OPHN1: variants seen among roughly 807,000 people sequenced by gnomAD.
OPHN1 encodes oligophrenin-1.
Under a neutral mutation model 60.7 loss-of-function variants are expected in OPHN1, and 11 were observed. The ratio of observed to expected loss-of-function variants is 0.18; its 90% confidence interval spans 0.11 to 0.30. The LOEUF is 0.30. Among genes scored for constraint, OPHN1 ranks in the 10% least tolerant of loss-of-function variants. OPHN1 has a pLI of 1.00. For missense variants in OPHN1, 449 were observed against 611.0 expected, an observed-to-expected ratio of 0.73 and a Z score of 2.80; for synonymous variants, 226 against 222.6, an observed-to-expected ratio of 1.02 and a Z score of -0.14.
intron 2 of OPHN1, among the ~76,000 whole-genome samples, chrX:68,354,020 A>G (rs772421042): frequency 8.9e-6 from 1 of 112,259 alleles, no homozygotes; most frequent in Non-Finnish European, 1.9e-5. Flanking sequence ...TAAGGTTCCT[A>G]TTCACAGATA....
Position 68,064,098 on chromosome X carries a change from T to G in OPHN1, c.1914A>C (p.Leu638=). Residue 638 remains leucine (L), a synonymous_variant, in exon 21 of 25, where the codon CTA becomes CTC. Transcript: ENST00000355520. ...CAGTTTCCCCACTCCTCTGAATAGG[T>G]AGTTTGGGGTGTTGTGGTGGCTTGG... The part of the protein sequence containing the change: ...EPPKPPQHPK[L]PIQRSGETDP... 1.7e-6 allele frequency: 2 copies of G among 1,209,180 alleles called. No individual in the cohort carries two copies. The highest frequency in any genetic ancestry group is 2.2e-6 in the Non-Finnish European group (2 of 894,260).
At chrX:68,107,024 T>G (rs1339946175) in intron 18 of OPHN1, among the ~76,000 whole-genome samples, 4 of 111,941 alleles carry the variant, frequency 3.6e-5, no homozygotes, top group African/African-American at 1.3e-4. Context: ...CTGTCTATAT[T>G]TTTTCTTAAT....
intron 2 of OPHN1, among the ~76,000 whole-genome samples, chrX:68,317,537 AAAAAAGAAAGAAAGAAAGAAAG>A (rs2078212028): frequency 1.5e-4 from 8 of 52,623 alleles, no homozygotes; most frequent in Non-Finnish European, 2.9e-5. Flanking sequence ...GAAAGAAAGA[AAAAAAGAAAGAAAGAAAGAAAG>A]AAAGAAAGAA....
intron 2 of OPHN1, among the ~76,000 whole-genome samples, chrX:68,396,816 A>G (rs2078687209): frequency 1.8e-5 from 2 of 111,347 alleles, no homozygotes; most frequent in African/African-American, 6.5e-5. Context: ...CTCCATCTCA[A>G]AAAAATAAAA....
chrX:68,083,054 CTTTTTTTTTTTTT>C lies in OPHN1; in HGVS notation c.1687-9768_1687-9756del, dbSNP rs869083899. Among the ~76,000 whole-genome samples the C allele has an allele frequency of 3.2e-4, 12 of 37,454 alleles. 1 individual carries two copies. Among genetic ancestry groups the C allele is most frequent in the South Asian group, 6.3e-3 (2 of 317 alleles). 32.5% of individuals were successfully genotyped at this position (37,454 alleles called of 115,157 possible). ...ATCATGAACCAACCTCTGCTAGTTTCTTTTTTTTTTTTTTTTTTTTTTTTTTTTTGAGACGGAG... is the reference window on the plus strand; with the variant it reads ...ATCATGAACCAACCTCTGCTAGTTTCTTTTTTTTTTTTTTTTGAGACGGAG... On this transcript the variant is annotated intron_variant, in intron 19 of 24. Coordinates refer to ENST00000355520, the MANE Select transcript of OPHN1 (RefSeq NM_002547.3).
intron 2 of OPHN1, among the ~76,000 whole-genome samples, chrX:68,411,950 C>T (rs1037609183): frequency 4.5e-5 from 5 of 111,449 alleles, no homozygotes; most frequent in Admixed American, 1.9e-4. Flanking sequence ...GAAACTCCCT[C>T]GAGGCATGGC....
chrX:68,410,525 G>T (rs1271791490), intron 2 of OPHN1, among the ~76,000 whole-genome samples: 7 of 108,172 alleles, frequency 6.5e-5, no homozygotes, highest in Non-Finnish European at 1.1e-4. Flanking sequence ...TAGCGCCACT[G>T]CACTCCACCC....
intron 2 of OPHN1, among the ~76,000 whole-genome samples, chrX:68,302,445 C>T (rs2078125607): frequency 9.2e-6 from 1 of 108,818 alleles, no homozygotes; most frequent in Non-Finnish European, 1.9e-5. Context: ...AAAAATTAGC[C>T]AGGCATGGTG....
intron 2 of OPHN1, among the ~76,000 whole-genome samples, chrX:68,360,311 AG>A (rs2078465672): frequency 9.1e-6 from 1 of 110,399 alleles, no homozygotes; most frequent in Non-Finnish European, 1.9e-5. Context: ...CCAAGTAGGT[AG>A]GACTACAGTG....
chrX:68,149,175 T>A (rs1281494415), intron 15 of OPHN1, among the ~76,000 whole-genome samples: 1 of 111,368 alleles, frequency 9.0e-6, no homozygotes, highest in East Asian at 2.8e-4. Flanking sequence ...AATAAATGAC[T>A]CCTTGCTCCT....
At chrX:68,320,843 T>C (rs1332939881) in intron 2 of OPHN1, among the ~76,000 whole-genome samples, 1 of 111,680 alleles carries the variant, frequency 9.0e-6, no homozygotes, top group Non-Finnish European at 1.9e-5. Flanking sequence ...CTCTTTGTGT[T>C]CTATTAATTT....
intron 16 of OPHN1, among the ~76,000 whole-genome samples, chrX:68,113,826 A>T (rs1272826727): frequency 3.0e-5 from 1 of 33,817 alleles, no homozygotes; most frequent in Admixed American, 4.8e-4. Flanking sequence ...GGGTGGGGGG[A>T]GGGGGGAGGG....
chrX:68,390,635 T>C (rs952609706), intron 2 of OPHN1, among the ~76,000 whole-genome samples: 20 of 111,441 alleles, frequency 1.8e-4, no homozygotes, highest in African/African-American at 6.2e-4. Context: ...TATTCACTGA[T>C]TTACTAAATG....
intron 5 of OPHN1, among the ~76,000 whole-genome samples, chrX:68,246,737 G>A (rs1453339588): frequency 4.5e-5 from 5 of 111,458 alleles, no homozygotes; most frequent in Non-Finnish European, 9.4e-5. Context: ...TCAAACATGA[G>A]TATAAAGAGA....
At position 68,336,363 on chromosome X, in the gene OPHN1, A is replaced by G. The variant is rs1025072925; in HGVS notation, c.155-37267T>C. The G allele has an allele frequency of 2.7e-5, 3 of 109,510 alleles. No individual in the cohort carries two copies. The Admixed American group carries it at 3.0e-4, about 11-fold the overall frequency. 9.0% of individuals were successfully genotyped at this position (109,510 alleles called of 1,213,427 possible). A position where few individuals can be genotyped will look rare whatever the true frequency, so the allele number is the denominator to read the frequency against. ...CAGACTGAGACCCCATCTCTACAAAAAAATAAAATAATAAAATTAATTAAT... is the reference window on the plus strand; with the variant it reads ...CAGACTGAGACCCCATCTCTACAAAGAAATAAAATAATAAAATTAATTAAT... On this transcript the variant is annotated intron_variant, in intron 2 of 24. Coordinates refer to ENST00000355520, the MANE Select transcript of OPHN1 (RefSeq NM_002547.3).
At position 68,366,004 on chromosome X, in the gene OPHN1, ATTC is replaced by A. The variant is rs754855710; in HGVS notation, c.154+66860_154+66862del. On this transcript the variant is annotated intron_variant, in intron 2 of 24. Transcript: ENST00000355520. ...CAAAAAAAAAAAACAAATTCCTCCT[ATTC>A]TTCTCACTTTGAGCACATTGCTGAC... 9.1e-5 allele frequency among the ~76,000 whole-genome samples: 10 copies of A among 109,432 alleles called. No individual in the cohort carries two copies. The East Asian group carries it at 1.7e-3, about 19-fold the overall frequency.
intron 6 of OPHN1, among the ~76,000 whole-genome samples, chrX:68,230,291 T>C (rs1354815748): frequency 2.7e-5 from 3 of 111,187 alleles, no homozygotes. Flanking sequence ...TGTGGAGAAA[T>C]AGGAACACTT....
chrX:68,294,877 T>C, intron 3 of OPHN1, among the ~76,000 whole-genome samples: 1 of 112,094 alleles, frequency 8.9e-6, no homozygotes, highest in East Asian at 2.8e-4. Context: ...ACTCTAAAAG[T>C]GTCTGTTTCT....
intron 2 of OPHN1, among the ~76,000 whole-genome samples, chrX:68,386,962 A>G (rs2078627434): frequency 9.0e-6 from 1 of 111,675 alleles, no homozygotes. Context: ...AGGGTGGGAT[A>G]GAAGAAAACC....
Sources: gnomAD v4.1 joint callset for allele counts (sites outside exome capture counted in the v4.1 genomes callset) on GRCh38, gnomAD v4.1.1 for gene constraint, MANE v1.5 for transcripts, NCBI Gene and HGNC (gene_info 2026-07-23, HGNC 2026-07-21) for gene names.